The following CBX1 variants were observed in gnomAD, a reference collection of about 807,000 sequenced individuals.
CBX1 encodes chromobox protein homolog 1.
A neutral mutation model predicts 25.1 loss-of-function variants in CBX1; 10 were observed. That is an observed-to-expected ratio of 0.40 (90% CI 0.25 to 0.68). The LOEUF (loss-of-function observed/expected upper bound fraction) is 0.68, where lower values mean the gene tolerates loss of function less well. Among genes scored for constraint, CBX1 ranks in the 30% least tolerant of loss-of-function variants. The probability of loss-of-function intolerance (pLI) is 0.40; values close to 1 mark genes in which losing one functional copy is unlikely to be tolerated. For missense variants in CBX1, 106 were observed against 218.5 expected, an observed-to-expected ratio of 0.49 and a Z score of 3.25; for synonymous variants, 63 against 79.4, an observed-to-expected ratio of 0.79 and a Z score of 1.10.
intron 1 of CBX1, among the ~76,000 whole-genome samples, chr17:48,080,919 CAAAAAAAAAAAAAAA>C (rs1176173688): frequency 8.7e-5 from 1 of 11,546 alleles, no homozygotes; most frequent in Non-Finnish European, 1.4e-4. Flanking sequence ...GACTCCATCT[CAAAAAAAAAAAAAAA>C]AAAAAAAAAA....
intron 4 of CBX1, among the ~76,000 whole-genome samples, chr17:48,074,699 T>C (rs1458570941): frequency 6.6e-6 from 1 of 152,218 alleles, no homozygotes; most frequent in African/African-American, 2.4e-5. Flanking sequence ...GGTGGTCCAA[T>C]CACATTTCAT....
At position 48,071,576 on chromosome 17, in the gene CBX1, T is replaced by C. The variant is rs1246854262; in HGVS notation, c.417A>G (p.Lys139=). ...GGACCAGGTCAGCCTCATCAGAGTT[T>C]TTCCTGCAGAATAAAGCAAAGAGAG... ...SGELMFLMKW[K]NSDEADLVPA... Residue 139 remains lysine, a synonymous_variant, in exon 5 of 5, where the codon AAA becomes AAG. Transcript: ENST00000225603. 1 of 1,601,506 alleles carries C rather than the reference T, an allele frequency of 6.2e-7. No homozygotes were observed. The highest frequency in any genetic ancestry group is 1.3e-5 in the African/African-American group (1 of 74,256).
chr17:48,092,468 CT>C (rs869275062), intron 1 of CBX1, among the ~76,000 whole-genome samples: 173 of 65,872 alleles, frequency 2.6e-3, no homozygotes, highest in African/African-American at 7.0e-3. Flanking sequence ...CTCTCTCTCT[CT>C]TTTTTTTTTT....
chr17:48,081,544 T>C (rs935079628), intron 1 of CBX1, among the ~76,000 whole-genome samples: 21 of 152,220 alleles, frequency 1.4e-4, no homozygotes, highest in Non-Finnish European at 2.8e-4. Flanking sequence ...GTTCAAGCGA[T>C]TCTCCTGTCT....
At chr17:48,073,311 T>C (rs370454587) in intron 4 of CBX1, among the ~76,000 whole-genome samples, 4 of 152,182 alleles carry the variant, frequency 2.6e-5, no homozygotes, top group African/African-American at 9.6e-5. Flanking sequence ...TGATAATGTA[T>C]GTTTTTGAAC....
chr17:48,092,339 G>A (rs1455067009), intron 1 of CBX1, among the ~76,000 whole-genome samples: 2 of 151,722 alleles, frequency 1.3e-5, no homozygotes, highest in East Asian at 2.0e-4. Flanking sequence ...TAAAATTAGC[G>A]AGGCACTGTG....
chr17:48,100,262 C>T (rs1328848748), intron 1 of CBX1, among the ~76,000 whole-genome samples: 2 of 151,966 alleles, frequency 1.3e-5, no homozygotes, highest in Non-Finnish European at 1.5e-5. Context: ...CATAATTTTC[C>T]TATGTCTCCC....
chr17:48,087,207 G>T (rs559217419), intron 1 of CBX1, among the ~76,000 whole-genome samples: 307 of 147,946 alleles, frequency 2.1e-3, no homozygotes, highest in African/African-American at 7.2e-3. Flanking sequence ...AAAAAGAAAA[G>T]AATTCAGAGG....
chr17:48,101,369 G>C lies in CBX1; in HGVS notation c.-139C>G, dbSNP rs1056523791. 2 of 985,932 alleles carry C rather than the reference G, an allele frequency of 2.0e-6. No individual in the cohort carries two copies. Among genetic ancestry groups the C allele is most frequent in the Non-Finnish European group, 1.2e-6 (1 of 830,172 alleles). 61.1% of individuals were successfully genotyped at this position (985,932 alleles called of 1,614,324 possible). On this transcript the variant is annotated 5_prime_UTR_variant, in exon 1 of 5. Transcript: ENST00000225603. ...TGGCGCCCAGGAAGGCAGCAAGCCG[G>C]GTGGCCGCAGTGGCGTCCCTCACTG... is the stretch of plus-strand genomic sequence containing the variant.
intron 2 of CBX1, 51 bp from the exon 3 acceptor site, chr17:48,076,229 C>A: frequency 7.3e-7 from 1 of 1,364,826 alleles, no homozygotes; most frequent in Non-Finnish European, 9.9e-7. Context: ...TAAGTATACT[C>A]ATACTAAGGA....
intron 1 of CBX1, among the ~76,000 whole-genome samples, chr17:48,090,157 C>T (rs1035511247): frequency 6.6e-6 from 1 of 152,008 alleles, no homozygotes; most frequent in Non-Finnish European, 1.5e-5. Context: ...CCACCTCAGC[C>T]TCCCAAAGTG....
At chr17:48,074,558 C>T (rs957804256) in intron 4 of CBX1, among the ~76,000 whole-genome samples, 4 of 152,110 alleles carry the variant, frequency 2.6e-5, no homozygotes, top group Non-Finnish European at 4.4e-5. Flanking sequence ...AGAATCTGCA[C>T]AAATTGAAAG....
At chr17:48,074,852 G>A in intron 4 of CBX1, 154 bp downstream of exon 4, 1 of 663,606 alleles carries the variant, frequency 1.5e-6, no homozygotes. Flanking sequence ...GTCCAGGGTG[G>A]CAGTCAGGCC....
rs755670909 is a variant in CBX1, at chr17:48,070,429, T to C, written c.*1006A>G. ...TGAACCCTGCCAACAATGGTTTCAGTGTTCAAAGCTCAAAGTAAACGGCTC... is the reference window on the plus strand; with the variant it reads ...TGAACCCTGCCAACAATGGTTTCAGCGTTCAAAGCTCAAAGTAAACGGCTC... On this transcript the variant is annotated 3_prime_UTR_variant, in exon 5 of 5. Coordinates refer to ENST00000225603, the MANE Select transcript of CBX1 (RefSeq NM_001127228.2). 3.9e-5 allele frequency: 6 copies of C among 152,738 alleles called. No homozygotes were observed. The highest frequency in any genetic ancestry group is 3.9e-4 in the Admixed American group (6 of 15,288). The allele number at this position is 152,738 out of a possible 1,614,324, so 9.5% of individuals were successfully genotyped here.
At chr17:48,100,983 CCGGG>C in intron 1 of CBX1, 1 of 986,122 alleles carries the variant, frequency 1.0e-6, no homozygotes, top group Non-Finnish European at 1.2e-6. Context: ...TCCAGACCAC[CCGGG>C]CCCCGAAGAG....
intron 1 of CBX1, among the ~76,000 whole-genome samples, chr17:48,085,447 G>A (rs898134187): frequency 2.6e-5 from 4 of 152,048 alleles, no homozygotes; most frequent in African/African-American, 7.3e-5. Context: ...CCTGTATAAG[G>A]AAAGGACACA....
intron 1 of CBX1, among the ~76,000 whole-genome samples, chr17:48,088,471 T>A (rs910463927): frequency 1.3e-5 from 2 of 151,666 alleles, no homozygotes; most frequent in Admixed American, 1.3e-4. Flanking sequence ...ATACAAAAAT[T>A]AGCCGGGCGT....
At chr17:48,098,792 T>C (rs2063390350) in intron 1 of CBX1, among the ~76,000 whole-genome samples, 1 of 152,188 alleles carries the variant, frequency 6.6e-6, no homozygotes, top group Non-Finnish European at 1.5e-5. Flanking sequence ...CTACCAAATC[T>C]AATGCAAAAT....
At chr17:48,073,246 AACC>A (rs2037642576) in intron 4 of CBX1, among the ~76,000 whole-genome samples, 4 of 152,130 alleles carry the variant, frequency 2.6e-5, no homozygotes, top group Non-Finnish European at 5.9e-5. Context: ...AAATCTCTAG[AACC>A]TTAATAACAG....
Sources: gnomAD v4.1 joint callset for allele counts (sites outside exome capture counted in the v4.1 genomes callset) on GRCh38, gnomAD v4.1.1 for gene constraint, MANE v1.5 for transcripts, NCBI Gene and HGNC (gene_info 2026-07-23, HGNC 2026-07-21) for gene names.